Variants in AKAP19 observed in about 807,000 individuals in gnomAD.
AKAP19 encodes A-kinase anchoring protein 19.
At chr2:190,181,034 T>C in the AKAP19 span, 1 of 985,570 alleles carries the variant, frequency 1.0e-6, no homozygotes, top group South Asian at 4.7e-5. Flanking sequence ...GCCCCGGGCC[T>C]GAGCGCAGGC....
chr2:190,085,172 A>G, the AKAP19 span, among the ~76,000 whole-genome samples: 5 of 152,222 alleles, frequency 3.3e-5, no homozygotes, highest in Non-Finnish European at 7.3e-5. Flanking sequence ...AAGGAAATGG[A>G]TATTTTCAAT....
chr2:190,132,793 A>C, the AKAP19 span, among the ~76,000 whole-genome samples: 1 of 152,236 alleles, frequency 6.6e-6, no homozygotes, highest in African/African-American at 2.4e-5. Context: ...ATGAGATTAC[A>C]TCAAACTAAA....
At chr2:189,899,505 A>T in the AKAP19 span, among the ~76,000 whole-genome samples, 1 of 152,262 alleles carries the variant, frequency 6.6e-6, no homozygotes, top group South Asian at 2.1e-4. Flanking sequence ...TGGGGTAATA[A>T]ATGGTTGTTC....
chr2:189,988,580 T>A, the AKAP19 span, among the ~76,000 whole-genome samples: 1 of 152,214 alleles, frequency 6.6e-6, no homozygotes, highest in Admixed American at 6.5e-5. Flanking sequence ...GAATCTTGCA[T>A]CTTCTAGATA....
the AKAP19 span, among the ~76,000 whole-genome samples, chr2:190,179,938 T>C: frequency 6.6e-6 from 1 of 152,214 alleles, no homozygotes; most frequent in African/African-American, 2.4e-5. This position sits in a 1 kb window ranked among gnomAD's most constrained non-coding sequence, Gnocchi z 6.0. Context: ...GCTGGGCAGA[T>C]GCAGGCATCA....
chr2:189,988,108 G>A, the AKAP19 span, among the ~76,000 whole-genome samples: 1 of 152,092 alleles, frequency 6.6e-6, no homozygotes, highest in African/African-American at 2.4e-5. Flanking sequence ...TTCCTGGGTG[G>A]GGGCCACAGA....
the AKAP19 span, among the ~76,000 whole-genome samples, chr2:190,077,614 C>T: frequency 6.6e-6 from 1 of 152,124 alleles, no homozygotes; most frequent in Non-Finnish European, 1.5e-5. Flanking sequence ...TTATCTATGT[C>T]TTATTTATTT....
the AKAP19 span, among the ~76,000 whole-genome samples, chr2:190,017,502 G>T: frequency 1.3e-5 from 2 of 152,032 alleles, no homozygotes; most frequent in Non-Finnish European, 2.9e-5. Context: ...GCTATTTCAA[G>T]CTGATAACAA....
chr2:190,027,226 A>G, the AKAP19 span, among the ~76,000 whole-genome samples: 6 of 152,302 alleles, frequency 3.9e-5, no homozygotes, highest in African/African-American at 1.4e-4. Flanking sequence ...TTATGTTCCA[A>G]ATCCAAGCCT....
the AKAP19 span, among the ~76,000 whole-genome samples, chr2:190,198,777 C>CTCTT: frequency 6.6e-6 from 1 of 151,952 alleles, no homozygotes; most frequent in South Asian, 2.1e-4. Flanking sequence ...ACACTCAGTC[C>CTCTT]TCTTTAAAAT....
At chr2:190,050,846 C>T in the AKAP19 span, among the ~76,000 whole-genome samples, 1 of 152,152 alleles carries the variant, frequency 6.6e-6, no homozygotes, top group African/African-American at 2.4e-5. Context: ...ATGAGCTGAA[C>T]TGGATGTAAG....
the AKAP19 span, chr2:189,917,325 T>G: frequency 1.6e-5 from 22 of 1,410,910 alleles, no homozygotes; most frequent in Non-Finnish European, 2.0e-5. Context: ...ATGACACTTG[T>G]CCGGTTGTTG....
At chr2:190,000,298 G>A in the AKAP19 span, among the ~76,000 whole-genome samples, 1 of 152,206 alleles carries the variant, frequency 6.6e-6, no homozygotes, top group Non-Finnish European at 1.5e-5. Context: ...AAGTTCTACA[G>A]TTAAAAATGT....
the AKAP19 span, among the ~76,000 whole-genome samples, chr2:190,048,807 C>A: frequency 6.6e-6 from 1 of 151,866 alleles, no homozygotes; most frequent in African/African-American, 2.4e-5. Context: ...TTTATATCAG[C>A]AGGGAAAAAA....
At chr2:190,031,402 T>A in the AKAP19 span, among the ~76,000 whole-genome samples, 1 of 152,334 alleles carries the variant, frequency 6.6e-6, no homozygotes. Flanking sequence ...TTATATCCAA[T>A]TGATGGACTA....
chr2:190,097,002 T>A, the AKAP19 span, among the ~76,000 whole-genome samples: 2 of 152,208 alleles, frequency 1.3e-5, no homozygotes. Flanking sequence ...AATGTGCATT[T>A]TGGCGAGAGA....
chr2:189,892,345 A>T, the AKAP19 span, among the ~76,000 whole-genome samples: 1 of 151,914 alleles, frequency 6.6e-6, no homozygotes, highest in Non-Finnish European at 1.5e-5. Flanking sequence ...GCCTTTTTGC[A>T]CTGGGTTTTT....
chr2:190,011,050 CTTTTTTTT>C, the AKAP19 span, among the ~76,000 whole-genome samples: 1 of 59,552 alleles, frequency 1.7e-5, no homozygotes, highest in Admixed American at 2.4e-4. Context: ...CTCTCTCTCT[CTTTTTTTT>C]TTTTTTTTTT....
At chr2:190,039,309 C>T in the AKAP19 span, among the ~76,000 whole-genome samples, 2 of 152,078 alleles carry the variant, frequency 1.3e-5, no homozygotes, top group Non-Finnish European at 1.5e-5. Context: ...AAACTCCTGA[C>T]CTCAGGTGAT....
Sources: gnomAD v4.1 joint callset for allele counts (sites outside exome capture counted in the v4.1 genomes callset) on GRCh38, gnomAD v4.1.1 for gene constraint, Gnocchi (gnomAD v3.1) non-coding constraint, MANE v1.5 for transcripts, NCBI Gene and HGNC (gene_info 2026-07-23, HGNC 2026-07-21) for gene names.